UNC79: variants seen among roughly 807,000 people sequenced by gnomAD.
The protein encoded by UNC79 is unc-79 subunit of NALCN channel complex, also known as protein unc-79 homolog.
UNC79 carries 37 observed loss-of-function variants against 283.1 expected under a neutral mutation model. The ratio of observed to expected loss-of-function variants is 0.13; its 90% CI spans 0.10 to 0.17. UNC79 has a LOEUF of 0.17. Ranked by LOEUF, UNC79 falls within the 10% of genes least tolerant of loss-of-function variation. The probability of loss-of-function intolerance (pLI) is 1.00; values close to 1 mark genes in which losing one functional copy is unlikely to be tolerated. For synonymous variants in UNC79, 1,107 were observed against 1,200.2 expected, an observed-to-expected ratio of 0.92 and a Z score of 1.61; for missense variants, 2,272 against 3,211.1, an observed-to-expected ratio of 0.71 and a Z score of 7.07.
rs146977292 is a variant in UNC79, at chr14:93,594,409, A to T, written c.3190+572A>T. On this transcript the variant is annotated intron_variant, in intron 23 of 48. Coordinates refer to ENST00000555664, the Ensembl canonical transcript of UNC79. Reference sequence around the variant, plus strand: ...CTCAGCCTCCCAAGTAGCTGGGGCTACAGGTGCATGCTACTACACCAGGCT... The same window carrying T: ...CTCAGCCTCCCAAGTAGCTGGGGCTTCAGGTGCATGCTACTACACCAGGCT... Among the ~76,000 whole-genome samples, 949 of 152,228 alleles carry T rather than the reference A, an allele frequency of 6.2e-3. 8 individuals carry two copies. Among genetic ancestry groups the T allele is most frequent in the African/African-American group, 0.022 (899 of 41,536 alleles).
intron 1 of UNC79, among the ~76,000 whole-genome samples, chr14:93,362,530 G>T (rs1002550196): frequency 1.3e-5 from 2 of 152,034 alleles, no homozygotes; most frequent in Non-Finnish European, 2.9e-5. Flanking sequence ...TGTATTTTTA[G>T]TAGAAATGGG....
At chr14:93,413,039 T>A (rs1241667239) in intron 1 of UNC79, among the ~76,000 whole-genome samples, 1 of 152,134 alleles carries the variant, frequency 6.6e-6, no homozygotes, top group Non-Finnish European at 1.5e-5. Context: ...TTATTTTTTT[T>A]ATTATTATTA....
intron 4 of UNC79, among the ~76,000 whole-genome samples, chr14:93,485,385 G>T (rs11160120): frequency 0.53 from 79,582 of 151,142 alleles, 21,377 homozygotes; most frequent in Admixed American, 0.63. Flanking sequence ...CTTATTTCTC[G>T]TCCCTCTAAT....
intron 1 of UNC79, among the ~76,000 whole-genome samples, chr14:93,423,117 A>G (rs536190404): frequency 7.3e-5 from 11 of 150,758 alleles, no homozygotes; most frequent in South Asian, 2.1e-4. Context: ...AAGTAATGCC[A>G]TTTACAATAG....
At position 93,690,506 on chromosome 14, in the gene UNC79, T is replaced by G. The variant is rs2074599815; in HGVS notation, c.7272+203T>G. 7.6e-6 allele frequency: 4 copies of G among 529,546 alleles called. No individual in the cohort carries two copies. Among genetic ancestry groups the G allele is most frequent in the Non-Finnish European group, 1.2e-5 (4 of 323,786 alleles). 32.8% of individuals were successfully genotyped at this position (529,546 alleles called of 1,614,324 possible). The stretch of plus-strand genomic sequence containing the variant: ...CTTTCCCCCCGCCCCCAAATTGTTT[T>G]TCGGCTTACTTTTATAAAGATAAAT... On this transcript the variant is annotated intron_variant, in intron 45 of 48. Coordinates refer to ENST00000555664, the Ensembl canonical transcript of UNC79. This position sits in a 1 kb window ranked among gnomAD's most constrained non-coding sequence, Gnocchi z 4.3.
At chr14:93,528,674 GA>G (rs2060655789) in intron 9 of UNC79, 28 bp downstream of exon 9, 1 of 1,593,594 alleles carries the variant, frequency 6.3e-7, no homozygotes, top group Admixed American at 1.7e-5. Context: ...TAAAGAAAAG[GA>G]AATAGGACAA....
chr14:93,505,902 G>T (rs541938154), intron 7 of UNC79, among the ~76,000 whole-genome samples: 1 of 151,570 alleles, frequency 6.6e-6, no homozygotes, highest in African/African-American at 2.4e-5. Flanking sequence ...ATATTGCTGC[G>T]TAAAGTGGCA....
intron 20 of UNC79, among the ~76,000 whole-genome samples, chr14:93,583,494 A>G (rs1470328652): frequency 6.6e-6 from 1 of 152,220 alleles, no homozygotes; most frequent in Non-Finnish European, 1.5e-5. Context: ...AGGTAACCCT[A>G]CTAAATCTTC....
intron 1 of UNC79, among the ~76,000 whole-genome samples, chr14:93,458,817 A>C (rs780720349): frequency 1.3e-5 from 2 of 152,240 alleles, no homozygotes; most frequent in African/African-American, 2.4e-5. Flanking sequence ...GTACAAATGT[A>C]ATATAAGATG....
chr14:93,705,347 C>CAAAAAAAAA (rs71129656), intron 48 of UNC79, among the ~76,000 whole-genome samples: 1 of 87,528 alleles, frequency 1.1e-5, no homozygotes, highest in Non-Finnish European at 2.2e-5. Flanking sequence ...CCCAGTCTCT[C>CAAAAAAAAA]AAAAAAAAAA....
intron 17 of UNC79, among the ~76,000 whole-genome samples, chr14:93,575,933 G>GATTAAAACATTAAAC (rs1303489919): frequency 6.6e-6 from 1 of 152,164 alleles, no homozygotes. Flanking sequence ...GACATCTAGG[G>GATTAAAACATTAAAC]ATTAAAACAT....
At chr14:93,691,722 C>T in intron 45 of UNC79, 27 bp from the exon 49 acceptor site, 1 of 1,612,228 alleles carries the variant, frequency 6.2e-7, no homozygotes, top group African/African-American at 1.3e-5. Context: ...GGATGCAATG[C>T]ACTGATGCCG....
Position 93,423,062 on chromosome 14 carries a change from C to CA in UNC79, c.-350-44580dup, listed in dbSNP as rs71129634. On this transcript the variant is annotated intron_variant, in intron 1 of 49. Coordinates refer to the UNC79 transcript ENST00000256339. The stretch of plus-strand genomic sequence containing the variant: ...TGGGGGACAGAGCGAGACTCTGTCT[C>CA]AAAAAAAAAAAAAAAAAAAAAAAAA... Among the ~76,000 whole-genome samples, 315 of 77,254 alleles carry CA rather than the reference C, an allele frequency of 4.1e-3. 11 individuals carry two copies. Among genetic ancestry groups the CA allele is most frequent in the Non-Finnish European group, 5.2e-3 (218 of 42,098 alleles). 50.7% of individuals were successfully genotyped at this position (77,254 alleles called of 152,430 possible).
At chr14:93,588,558 G>A (rs1186814268) in intron 22 of UNC79, among the ~76,000 whole-genome samples, 2 of 151,922 alleles carry the variant, frequency 1.3e-5, no homozygotes, top group Non-Finnish European at 2.9e-5. Flanking sequence ...GGCTAACACA[G>A]TGAAACCCTG....
intron 14 of UNC79, 131 bp from the exon 15 acceptor site, chr14:93,571,763 A>G (rs1016380540): frequency 2.5e-5 from 21 of 857,044 alleles, no homozygotes; most frequent in Admixed American, 5.8e-5. Context: ...CACACTGAAG[A>G]TTCTTGGCCT....
chr14:93,423,098 A>T (rs1052554050), intron 1 of UNC79, among the ~76,000 whole-genome samples: 4 of 149,204 alleles, frequency 2.7e-5, no homozygotes, highest in Non-Finnish European at 5.9e-5. Context: ...AAAAGAAAAG[A>T]AGTCAAGAAA....
chr14:93,371,714 G>A (rs1033607652), intron 1 of UNC79, among the ~76,000 whole-genome samples: 2 of 150,072 alleles, frequency 1.3e-5, no homozygotes, highest in African/African-American at 4.9e-5. Flanking sequence ...GGTGGCGGGC[G>A]CCTGTGGTCC....
chr14:93,588,987 A>G (rs1191834570), intron 22 of UNC79, among the ~76,000 whole-genome samples: 1 of 152,138 alleles, frequency 6.6e-6, no homozygotes, highest in Non-Finnish European at 1.5e-5. Context: ...CCTTAAGAAT[A>G]TTAGGTGTTG....
chr14:93,579,542 G>A (rs1438677868), intron 18 of UNC79, among the ~76,000 whole-genome samples: 1 of 152,082 alleles, frequency 6.6e-6, no homozygotes, highest in African/African-American at 2.4e-5. Context: ...GGATTTTTAT[G>A]TTATTTGGTG....
Sources: allele counts gnomAD v4.1 joint callset (sites outside exome capture counted in the v4.1 genomes callset), GRCh38; gene constraint gnomAD v4.1.1; non-coding constraint Gnocchi (gnomAD v3.1); transcripts MANE v1.5; gene names NCBI Gene and HGNC (gene_info 2026-07-23, HGNC 2026-07-21).